ZNF438: variants seen among roughly 807,000 people sequenced by gnomAD.
ZNF438 encodes zinc finger protein 438.
In ZNF438, 25 loss-of-function variants were observed where a neutral mutation model predicts 38.0. That is an observed-to-expected ratio of 0.66 (90% CI 0.48 to 0.92). The LOEUF is 0.92. ZNF438 is among the 40% of genes least tolerant of loss of function. The pLI, the probability that ZNF438 is intolerant of heterozygous loss-of-function variation, is 0.00. For synonymous variants in ZNF438, 372 were observed against 364.1 expected (o/e 1.02, Z -0.25); for missense variants, 1,007 against 999.6 (o/e 1.01, Z -0.10).
At chr10:30,975,720 T>C (rs1008712289) in intron 1 of ZNF438, among the ~76,000 whole-genome samples, 2 of 152,312 alleles carry the variant, frequency 1.3e-5, no homozygotes, top group Non-Finnish European at 2.9e-5. Context: ...TTTAAAGATA[T>C]AATATGAAAA....
At chr10:30,986,621 G>A (rs115064546) in intron 1 of ZNF438, among the ~76,000 whole-genome samples, 4 of 152,194 alleles carry the variant, frequency 2.6e-5, no homozygotes, top group South Asian at 2.1e-4. Context: ...GTTTGGGGTC[G>A]GAAGTGTTTT....
chr10:30,949,599 T>C (rs2047910427), intron 1 of ZNF438, among the ~76,000 whole-genome samples: 1 of 152,144 alleles, frequency 6.6e-6, no homozygotes, highest in Admixed American at 6.6e-5. Flanking sequence ...GGGGTTGTAA[T>C]ACTAGTCTCT....
rs2052805584 is a variant in ZNF438, at chr10:30,986,497, T to C, written c.-191-44846A>G. ...GGAATGTGTTGAGCAATCCAAATTT[T>C]TCACCATTCTGTACCATTTGCAGTC... On this transcript the variant is annotated intron_variant, in intron 1 of 5. Transcript: ENST00000413025. Among the ~76,000 whole-genome samples, 4 of 152,218 alleles carry C rather than the reference T, an allele frequency of 2.6e-5. No individual in the cohort carries two copies. The South Asian group carries it at 8.3e-4, about 32-fold the overall frequency.
At chr10:30,947,069 C>G (rs1057422704) in intron 1 of ZNF438, among the ~76,000 whole-genome samples, 28 of 148,724 alleles carry the variant, frequency 1.9e-4, no homozygotes, top group African/African-American at 6.0e-4. Context: ...GACTGTTATA[C>G]TAGAGAAGCT....
At chr10:30,901,071 T>C (rs933823467) in intron 3 of ZNF438, among the ~76,000 whole-genome samples, 7 of 152,218 alleles carry the variant, frequency 4.6e-5, no homozygotes, top group Non-Finnish European at 8.8e-5. Flanking sequence ...TGCAGATTTA[T>C]AGTATTTGCC....
In ZNF438 at chr10:31,024,668, G is replaced by A. The variant is rs1339911385; in HGVS notation, c.-192+7165C>T. 2.0e-5 allele frequency among the ~76,000 whole-genome samples: 3 copies of A among 151,962 alleles called. No homozygotes were observed. In the East Asian group the frequency reaches 5.8e-4, roughly 29 times the overall value. On this transcript the variant is annotated intron_variant, in intron 1 of 5. Coordinates refer to ENST00000413025, the Ensembl canonical transcript of ZNF438. ...TTCCTAGGTATAAAGTTCTAGATTT[G>A]CTTTCATCACTAACTTATTAACACA...
intron 2 of ZNF438, among the ~76,000 whole-genome samples, chr10:30,938,578 G>A (rs1021894509): frequency 1.3e-5 from 2 of 151,906 alleles, no homozygotes; most frequent in African/African-American, 4.8e-5. Context: ...GCCTGGCCTA[G>A]CTCTAGCACT....
At chr10:30,950,018 T>C (rs1414444457) in intron 1 of ZNF438, among the ~76,000 whole-genome samples, 2 of 152,016 alleles carry the variant, frequency 1.3e-5, no homozygotes, top group African/African-American at 2.4e-5. Flanking sequence ...CCTCAACAAA[T>C]GTAAAAGAAC....
chr10:30,899,063 T>C (rs1312139170), intron 3 of ZNF438, among the ~76,000 whole-genome samples: 1 of 152,152 alleles, frequency 6.6e-6, no homozygotes, highest in Non-Finnish European at 1.5e-5. Flanking sequence ...AATTTAATTC[T>C]CCTTTCCCAA....
intron 1 of ZNF438, among the ~76,000 whole-genome samples, chr10:30,991,551 T>C (rs1181677966): frequency 6.6e-6 from 1 of 152,206 alleles, no homozygotes; most frequent in Non-Finnish European, 1.5e-5. Context: ...TCACTATTCC[T>C]GCCCCCAGTT....
At chr10:30,854,062 G>GT (rs2034174972) in intron 4 of ZNF438, among the ~76,000 whole-genome samples, 1 of 152,332 alleles carries the variant, frequency 6.6e-6, no homozygotes, top group South Asian at 2.1e-4. Context: ...GCTCACGCCT[G>GT]TAATCCCAGC....
intron 1 of ZNF438, among the ~76,000 whole-genome samples, chr10:30,974,756 C>T (rs2051146203): frequency 6.6e-6 from 1 of 152,194 alleles, no homozygotes; most frequent in African/African-American, 2.4e-5. Context: ...CTACCCTGGT[C>T]CTCTGGTCAG....
At chr10:30,896,526 A>C (rs1461043871) in intron 3 of ZNF438, among the ~76,000 whole-genome samples, 1 of 152,178 alleles carries the variant, frequency 6.6e-6, no homozygotes, top group Admixed American at 6.5e-5. Context: ...CCTTGAGGAG[A>C]CTATGTTAAA....
chr10:30,869,802 T>C (rs927898030), intron 4 of ZNF438, among the ~76,000 whole-genome samples: 1 of 152,208 alleles, frequency 6.6e-6, no homozygotes, highest in Non-Finnish European at 1.5e-5. Context: ...AATGTTTCCA[T>C]ATGAATATCA....
intron 4 of ZNF438, among the ~76,000 whole-genome samples, chr10:30,864,316 G>A (rs1253600020): frequency 6.6e-6 from 1 of 152,124 alleles, no homozygotes; most frequent in Non-Finnish European, 1.5e-5. Context: ...CCCAACCCTG[G>A]TCTGGAGGCT....
intron 1 of ZNF438, among the ~76,000 whole-genome samples, chr10:31,024,128 G>A (rs1167339596): frequency 6.6e-6 from 1 of 152,236 alleles, no homozygotes; most frequent in Admixed American, 6.5e-5. Flanking sequence ...TCCAGAAATT[G>A]TCAGATTTAT....
intron 1 of ZNF438, among the ~76,000 whole-genome samples, chr10:30,970,757 A>G (rs1477244378): frequency 2.0e-5 from 3 of 152,194 alleles, no homozygotes; most frequent in Non-Finnish European, 4.4e-5. Flanking sequence ...TTCTTTCAAA[A>G]GGGAACCACC....
chr10:30,868,314 G>A (rs926845302), intron 4 of ZNF438, among the ~76,000 whole-genome samples: 7 of 151,902 alleles, frequency 4.6e-5, no homozygotes, highest in Admixed American at 3.3e-4. Flanking sequence ...CAGGTGATCC[G>A]CCCGCCTCAG....
chr10:30,870,040 TAC>T (rs1461531381), intron 4 of ZNF438, among the ~76,000 whole-genome samples: 4 of 152,240 alleles, frequency 2.6e-5, no homozygotes, highest in African/African-American at 9.6e-5. Context: ...AATAATATGT[TAC>T]TTTATTAACT....
Sources: allele counts gnomAD v4.1 joint callset (sites outside exome capture counted in the v4.1 genomes callset), GRCh38; gene constraint gnomAD v4.1.1; transcripts MANE v1.5; gene names NCBI Gene and HGNC (gene_info 2026-07-23, HGNC 2026-07-21).